RBM17: variants seen among roughly 807,000 people sequenced by gnomAD.
RBM17 encodes splicing factor 45.
Under a neutral mutation model 53.2 loss-of-function variants are expected in RBM17, and 7 were observed. The observed-to-expected ratio is 0.13, with a 90% CI of 0.07 to 0.25. The LOEUF (loss-of-function observed/expected upper bound fraction) is 0.25. Among genes scored for constraint, RBM17 ranks in the 10% least tolerant of loss-of-function variants. The pLI, the probability that RBM17 is intolerant of heterozygous loss-of-function variation, is 1.00. For synonymous variants in RBM17, 167 were observed against 178.1 expected (o/e 0.94, Z 0.50); for missense variants, 257 against 496.7 (o/e 0.52, Z 4.59).
rs147926684 is a variant in RBM17 at position 6,106,210 on chromosome 10, A to T, written c.477A>T (p.Glu159Asp). The change falls in exon 5 of 12, where the codon GAA becomes GAT. Residue 159 changes from glutamate to aspartate, a missense_variant. Physicochemically the swap from Glu to Asp is conservative, Grantham distance 45. Around this residue, in one of 6 missense-constraint regions of RBM17, gnomAD observed 127 missense variants for 217.2 expected, o/e 0.58. Transcript: ENST00000379888. ...RRPDPDSDEDEDYERERRKRS... is the reference protein window; with the variant it reads ...RRPDPDSDEDDDYERERRKRS... ...CAGATCCAGATTCTGATGAAGATGA[A>T]GATTATGAGCGAGAGAGGAGGAAAA... The T allele has an allele frequency of 1.2e-6, 2 of 1,613,442 alleles. No individual in the cohort carries two copies. Among genetic ancestry groups the T allele is most frequent in the African/African-American group, 1.3e-5 (1 of 75,058 alleles).
intron 2 of RBM17, among the ~76,000 whole-genome samples, 154 bp downstream of exon 2, chr10:6,097,342 C>G (rs1435569110): frequency 1.3e-5 from 2 of 152,126 alleles, no homozygotes; most frequent in African/African-American, 4.8e-5. Flanking sequence ...AGTTTAAGGC[C>G]ACTTTGCTAC....
At chr10:6,101,698 T>G (rs1840671847) in intron 3 of RBM17, among the ~76,000 whole-genome samples, 1 of 152,042 alleles carries the variant, frequency 6.6e-6, no homozygotes, top group Non-Finnish European at 1.5e-5. Context: ...TTCTGCTAAC[T>G]TGCTTTTCTT....
intron 1 of RBM17, among the ~76,000 whole-genome samples, chr10:6,091,511 G>GT (rs550927997): frequency 2.6e-5 from 4 of 152,118 alleles, no homozygotes; most frequent in African/African-American, 9.7e-5. Flanking sequence ...GGTGGTGGTA[G>GT]TTTTTTTCTC....
At chr10:6,098,571 T>G (rs1347058717) in intron 2 of RBM17, among the ~76,000 whole-genome samples, 9 of 91,134 alleles carry the variant, frequency 9.9e-5, no homozygotes, top group East Asian at 6.7e-4. Context: ...TTGTTTTTTT[T>G]TTTTTTTTTT....
intron 7 of RBM17, among the ~76,000 whole-genome samples, chr10:6,111,719 G>A (rs185025611): frequency 7.2e-5 from 11 of 152,244 alleles, no homozygotes; most frequent in African/African-American, 2.2e-4. Flanking sequence ...CTTGGCCTCC[G>A]TTTATTTCTC....
intron 1 of RBM17, among the ~76,000 whole-genome samples, chr10:6,095,542 A>T (rs568720403): frequency 6.6e-6 from 1 of 152,058 alleles, no homozygotes; most frequent in Non-Finnish European, 1.5e-5. Flanking sequence ...GATTCATTTG[A>T]GCAGTCGGCC....
At chr10:6,098,095 T>G (rs12257378) in intron 2 of RBM17, among the ~76,000 whole-genome samples, 5,247 of 152,276 alleles carry the variant, frequency 0.034, 284 homozygotes, top group African/African-American at 0.12. Flanking sequence ...GACTGGATAT[T>G]TGCCATTAAA....
At chr10:6,107,809 G>A (rs1199445359) in intron 5 of RBM17, among the ~76,000 whole-genome samples, 1 of 152,052 alleles carries the variant, frequency 6.6e-6, no homozygotes, top group Admixed American at 6.5e-5. Flanking sequence ...CAAACATTTT[G>A]TGCTGATGCA....
intron 4 of RBM17, among the ~76,000 whole-genome samples, chr10:6,105,896 T>C (rs968297513): frequency 2.0e-5 from 3 of 152,210 alleles, no homozygotes; most frequent in Non-Finnish European, 4.4e-5. Context: ...AAGGAACCTT[T>C]TTTTTCATGC....
chr10:6,106,749 G>A (rs1840753813), intron 5 of RBM17, among the ~76,000 whole-genome samples: 1 of 152,130 alleles, frequency 6.6e-6, no homozygotes, highest in Non-Finnish European at 1.5e-5. Flanking sequence ...TTAATAAGGA[G>A]GCATGCTTTC....
At chr10:6,090,627 T>G (rs1840467588) in intron 1 of RBM17, among the ~76,000 whole-genome samples, 1 of 152,190 alleles carries the variant, frequency 6.6e-6, no homozygotes, top group Non-Finnish European at 1.5e-5. Flanking sequence ...CTCCCCTGCC[T>G]ATGAATTTTT....
intron 7 of RBM17, among the ~76,000 whole-genome samples, chr10:6,110,898 C>T (rs41295357): frequency 0.039 from 5,899 of 152,218 alleles, 245 homozygotes; most frequent in South Asian, 0.13. Flanking sequence ...AGGACATGGC[C>T]GTGGCTGCAG....
At chr10:6,103,380 G>A (rs758127193) in intron 3 of RBM17, among the ~76,000 whole-genome samples, 1 of 152,054 alleles carries the variant, frequency 6.6e-6, no homozygotes, top group Non-Finnish European at 1.5e-5. Context: ...AGCATAGCAG[G>A]GTTTATATGT....
chr10:6,094,059 C>T (rs576268858), intron 1 of RBM17, among the ~76,000 whole-genome samples: 6 of 147,014 alleles, frequency 4.1e-5, no homozygotes, highest in Admixed American at 7.0e-5. Flanking sequence ...ACCGCAAGCT[C>T]TGCCTTCTGG....
intron 2 of RBM17, among the ~76,000 whole-genome samples, chr10:6,098,629 G>A (rs559972302): frequency 3.3e-5 from 4 of 121,634 alleles, no homozygotes; most frequent in South Asian, 5.4e-4. Flanking sequence ...AGGCTGGAGC[G>A]CAGTGGCATG....
intron 2 of RBM17, 82 bp downstream of exon 2, chr10:6,097,270 T>A: frequency 7.1e-7 from 1 of 1,412,404 alleles, no homozygotes; most frequent in South Asian, 1.2e-5. Flanking sequence ...GGTTTCAGCT[T>A]GCTCTTCTGC....
intron 9 of RBM17, chr10:6,113,807 A>G: frequency 1.7e-6 from 1 of 583,664 alleles, no homozygotes; most frequent in African/African-American, 1.9e-5. Context: ...TGAAATTGCT[A>G]GAGCTTCAGA....
Position 6,115,994 on chromosome 10 carries a change from C to G in RBM17, c.*438C>G, listed in dbSNP as rs993525460. Reference sequence around the variant, plus strand: ...TTACTAAATTGTAGTTTCATAAATTCTGTAGTAAAGTATCATCTTGGCAGT... The same window carrying G: ...TTACTAAATTGTAGTTTCATAAATTGTGTAGTAAAGTATCATCTTGGCAGT... On this transcript the variant is annotated 3_prime_UTR_variant, in exon 12 of 12. Coordinates refer to ENST00000379888, the MANE Select transcript of RBM17 (RefSeq NM_032905.5). 2.6e-5 allele frequency: 4 copies of G among 151,818 alleles called. No homozygotes were observed. Among genetic ancestry groups the G allele is most frequent in the Admixed American group, 2.6e-4 (4 of 15,200 alleles). 9.4% of individuals were successfully genotyped at this position (151,818 alleles called of 1,614,324 possible). A position where few individuals can be genotyped will look rare whatever the true frequency, so the allele number is the denominator to read the frequency against.
chr10:6,108,578 T>C, intron 5 of RBM17, 108 bp from the exon 6 acceptor site: 2 of 751,778 alleles, frequency 2.7e-6, no homozygotes, highest in Non-Finnish European at 4.4e-6. Context: ...GGTCCTCCTT[T>C]TTTAGTTTTT....
Sources: gnomAD v4.1 joint callset for allele counts (sites outside exome capture counted in the v4.1 genomes callset) on GRCh38, gnomAD v4.1.1 for gene constraint, gnomAD v4.1.1 regional missense constraint, MANE v1.5 for transcripts, NCBI Gene and HGNC (gene_info 2026-07-23, HGNC 2026-07-21) for gene names.